The following CLIP4 variants were observed in gnomAD, a reference collection of about 807,000 sequenced individuals.
The protein encoded by CLIP4 is CAP-Gly domain-containing linker protein 4.
In CLIP4, 47 loss-of-function variants were observed where a neutral mutation model predicts 73.1. The ratio of observed to expected loss-of-function variants is 0.64; its 90% confidence interval spans 0.51 to 0.82. The LOEUF (loss-of-function observed/expected upper bound fraction) is 0.82. CLIP4 is among the 40% of genes least tolerant of loss of function. The probability of loss-of-function intolerance (pLI) is 0.00; values close to 1 mark genes in which losing one functional copy is unlikely to be tolerated. For missense variants in CLIP4, 874 were observed against 852.9 expected (o/e 1.02, Z -0.31); for synonymous variants, 306 against 295.4 (o/e 1.04, Z -0.37).
chr2:29,108,598 G>T (rs1057336736), intron 1 of CLIP4, among the ~76,000 whole-genome samples: 1 of 152,136 alleles, frequency 6.6e-6, no homozygotes, highest in African/African-American at 2.4e-5. Context: ...GAAGACTACC[G>T]TACCCACCAT....
chr2:29,130,883 C>T (rs1391899466), intron 2 of CLIP4: 9 of 1,290,258 alleles, frequency 7.0e-6, no homozygotes, highest in Non-Finnish European at 9.1e-6. Flanking sequence ...AATCTGAGCT[C>T]AGTGGTGAGT....
At chr2:29,171,781 G>T (rs1668021775) in intron 14 of CLIP4, among the ~76,000 whole-genome samples, 1 of 151,996 alleles carries the variant, frequency 6.6e-6, no homozygotes, top group Non-Finnish European at 1.5e-5. Context: ...GCCTCCCAAA[G>T]TGCTGGGATT....
intron 6 of CLIP4, among the ~76,000 whole-genome samples, chr2:29,139,250 G>A (rs3100222): frequency 0.17 from 25,683 of 151,368 alleles, 2,451 homozygotes; most frequent in Middle Eastern, 0.26. Flanking sequence ...CTTTTTCTGT[G>A]TCTATTGAGA....
At chr2:29,178,007 A>G (rs1220904738) in intron 15 of CLIP4, among the ~76,000 whole-genome samples, 1 of 152,128 alleles carries the variant, frequency 6.6e-6, no homozygotes, top group Non-Finnish European at 1.5e-5. Flanking sequence ...TGTTGAATCC[A>G]TTATTTACTT....
chr2:29,174,491 G>T, intron 15 of CLIP4, 46 bp downstream of exon 15: 1 of 1,589,606 alleles, frequency 6.3e-7, no homozygotes, highest in South Asian at 1.2e-5. Context: ...AGATGAACAT[G>T]ATGGGATTCT....
At chr2:29,165,209 A>G (rs952594588) in intron 13 of CLIP4, among the ~76,000 whole-genome samples, 1 of 152,102 alleles carries the variant, frequency 6.6e-6, no homozygotes, top group Non-Finnish European at 1.5e-5. Context: ...GTTACTTTGT[A>G]ATTGTTTTTT....
At chr2:29,177,982 A>G (rs1668440809) in intron 15 of CLIP4, among the ~76,000 whole-genome samples, 1 of 152,112 alleles carries the variant, frequency 6.6e-6, no homozygotes, top group East Asian at 1.9e-4. Flanking sequence ...CCAACCCATT[A>G]ATTTTTGGTT....
intron 8 of CLIP4, among the ~76,000 whole-genome samples, chr2:29,151,851 G>A (rs554093989): frequency 6.6e-6 from 1 of 151,842 alleles, no homozygotes; most frequent in East Asian, 1.9e-4. Flanking sequence ...CTCTAATGTC[G>A]GTGCATACTT....
intron 1 of CLIP4, among the ~76,000 whole-genome samples, chr2:29,119,158 A>G (rs990812971): frequency 1.3e-5 from 2 of 152,236 alleles, no homozygotes; most frequent in Non-Finnish European, 2.9e-5. Context: ...GTCAGGTAAT[A>G]TTGTAGCTTC....
chr2:29,150,267 T>C (rs1267641165), intron 8 of CLIP4, among the ~76,000 whole-genome samples: 1 of 152,208 alleles, frequency 6.6e-6, no homozygotes, highest in Non-Finnish European at 1.5e-5. Flanking sequence ...AGAAACATTT[T>C]ATGGTCAGTG....
At chr2:29,118,347 A>G (rs1477303931) in intron 1 of CLIP4, 1 of 151,246 alleles carries the variant, frequency 6.6e-6, no homozygotes, top group East Asian at 2.0e-4. Context: ...GGAGTCTTGG[A>G]AAAAAAATCA....
intron 14 of CLIP4, among the ~76,000 whole-genome samples, chr2:29,173,190 A>G (rs1668121914): frequency 6.6e-6 from 1 of 152,200 alleles, no homozygotes; most frequent in South Asian, 2.1e-4. Context: ...GGCATTGCCA[A>G]CCTGGGACTT....
chr2:29,167,552 C>T lies in CLIP4; in HGVS notation c.1723+12C>T, dbSNP rs1436137573. Reference sequence around the variant, plus strand: ...CCATTCTTATCCTGGTAAGACTACACAGTTTTGTGTTCCTAATCAATATTT... The same window carrying T: ...CCATTCTTATCCTGGTAAGACTACATAGTTTTGTGTTCCTAATCAATATTT... On this transcript the variant is annotated intron_variant, in intron 14 of 15. Transcript: ENST00000320081. 1.9e-6 allele frequency: 3 copies of T among 1,578,758 alleles called. No individual in the cohort carries two copies. Among genetic ancestry groups the T allele is most frequent in the East Asian group, 2.3e-5 (1 of 43,908 alleles).
At chr2:29,157,482 C>A (rs1667004916) in intron 11 of CLIP4, 135 bp downstream of exon 11, 4 of 1,390,806 alleles carry the variant, frequency 2.9e-6, no homozygotes, top group Non-Finnish European at 3.0e-6. Flanking sequence ...CTCTTCCCCA[C>A]CTCCCCCGAA....
intron 15 of CLIP4, 139 bp from the exon 16 acceptor site, chr2:29,181,433 A>G: frequency 1.4e-6 from 1 of 725,636 alleles, no homozygotes; most frequent in Non-Finnish European, 2.2e-6. Flanking sequence ...AAATTTAAAA[A>G]TCAAGTTGTG....
At chr2:29,160,863 C>T (rs1667241424) in intron 12 of CLIP4, among the ~76,000 whole-genome samples, 1 of 152,060 alleles carries the variant, frequency 6.6e-6, no homozygotes, top group African/African-American at 2.4e-5. Flanking sequence ...CAGAGAAAAG[C>T]ACACAAAAGG....
intron 15 of CLIP4, among the ~76,000 whole-genome samples, chr2:29,175,164 G>A (rs1668252466): frequency 6.6e-6 from 1 of 152,176 alleles, no homozygotes; most frequent in Non-Finnish European, 1.5e-5. Context: ...GCTAGAACTT[G>A]ATGTCCCACT....
In CLIP4 at chr2:29,157,242, T is replaced by C. The variant is rs758221923; in HGVS notation, c.1294T>C (p.Ser432Pro). The C allele has an allele frequency of 5.0e-6, 8 of 1,614,064 alleles. No individual in the cohort carries two copies. The highest frequency in any genetic ancestry group is 5.9e-6 in the Non-Finnish European group (7 of 1,179,964). The change falls in exon 11 of 16, where the codon TCT becomes CCT. Residue 432 changes from serine (S) to proline (P), a missense_variant. Ser to Pro is a moderately conservative substitution (Grantham distance 74, BLOSUM62 -1). Transcript: ENST00000320081. ...LGSVSSCSSTSSLEHRQSYPK... is the reference protein window; with the variant it reads ...LGSVSSCSSTPSLEHRQSYPK... ...ATCTGTCAGCAGCTGCTCCTCTACA[T>C]CTTCTTTGGAACACAGACAGAGCTA...
chr2:29,155,405 TACACACAC>T (rs10602734), intron 9 of CLIP4, among the ~76,000 whole-genome samples: 20,545 of 151,086 alleles, frequency 0.14, 1,804 homozygotes, highest in Middle Eastern at 0.23. Context: ...CCCAAGTGTA[TACACACAC>T]ACACACACAC....
Sources: gnomAD v4.1 joint callset for allele counts (sites outside exome capture counted in the v4.1 genomes callset) on GRCh38, gnomAD v4.1.1 for gene constraint, MANE v1.5 for transcripts, NCBI Gene and HGNC (gene_info 2026-07-23, HGNC 2026-07-21) for gene names.